The following SLC44A1 variants were observed in gnomAD, a reference collection of about 807,000 sequenced individuals.
The protein encoded by SLC44A1 is solute carrier family 44 member 1.
In SLC44A1, 26 loss-of-function variants were observed where a neutral mutation model predicts 79.3. The ratio of observed to expected loss-of-function variants is 0.33; its 90% confidence interval spans 0.24 to 0.46. The LOEUF (loss-of-function observed/expected upper bound fraction) is 0.46. Among genes scored for constraint, SLC44A1 ranks in the 20% least tolerant of loss-of-function variants. The pLI is 1.00. For synonymous variants in SLC44A1, 263 were observed against 286.2 expected, an observed-to-expected ratio of 0.92 and a Z score of 0.82; for missense variants, 688 against 798.1, an observed-to-expected ratio of 0.86 and a Z score of 1.66.
intron 15 of SLC44A1, among the ~76,000 whole-genome samples, chr9:105,425,586 G>C (rs1421092548): frequency 6.6e-6 from 1 of 152,166 alleles, no homozygotes; most frequent in African/African-American, 2.4e-5. Flanking sequence ...ACTTTGGGAG[G>C]TCGAGGCGGG....
At chr9:105,340,191 G>A (rs1009703574) in intron 4 of SLC44A1, among the ~76,000 whole-genome samples, 1 of 152,174 alleles carries the variant, frequency 6.6e-6, no homozygotes, top group African/African-American at 2.4e-5. Context: ...TATATGTTAT[G>A]CATTTTTTAC....
In SLC44A1 at chr9:105,380,280, C is replaced by T. The variant is rs570618220; in HGVS notation, c.1633-2843C>T. ...AGTTTCCTTTCCTTCCTGCTTCCCA[C>T]ATCCTACCTAAAGCATGAATCTCTT... On this transcript the variant is annotated intron_variant, in intron 13 of 15. Coordinates refer to ENST00000374720, the MANE Select transcript of SLC44A1 (RefSeq NM_080546.5). Among the ~76,000 whole-genome samples the T allele has an allele frequency of 3.3e-5, 5 of 152,330 alleles. No individual in the cohort carries two copies. The South Asian group carries it at 1.0e-3, about 32-fold the overall frequency.
chr9:105,388,948 C>A, intron 15 of SLC44A1, 85 bp from the exon 16 acceptor site: 1 of 1,006,688 alleles, frequency 9.9e-7, no homozygotes, highest in Non-Finnish European at 1.6e-6. Flanking sequence ...CTGTTTGTGA[C>A]CATGTGTATA....
chr9:105,427,116 A>T (rs917926391), intron 15 of SLC44A1, among the ~76,000 whole-genome samples: 2 of 152,118 alleles, frequency 1.3e-5, no homozygotes, highest in Non-Finnish European at 2.9e-5. Flanking sequence ...ATTTTTTAGT[A>T]GAGGCAGTGT....
chr9:105,409,111 A>T (rs940876838), intron 15 of SLC44A1, among the ~76,000 whole-genome samples: 1 of 152,248 alleles, frequency 6.6e-6, no homozygotes, highest in Non-Finnish European at 1.5e-5. Flanking sequence ...TAAAATGTAA[A>T]TGGATTAAAC....
intron 15 of SLC44A1, among the ~76,000 whole-genome samples, chr9:105,420,781 A>G (rs896778725): frequency 6.7e-6 from 1 of 150,336 alleles, no homozygotes; most frequent in Non-Finnish European, 1.5e-5. Context: ...GAATCACTTG[A>G]ACCCGGGAGG....
At chr9:105,269,803 G>A (rs1264535094) in intron 1 of SLC44A1, among the ~76,000 whole-genome samples, 1 of 152,218 alleles carries the variant, frequency 6.6e-6, no homozygotes, top group Admixed American at 6.5e-5. Context: ...CTTGGTGTTT[G>A]TTCAGGCGTG....
At chr9:105,363,590 G>A (rs1240423492) in intron 9 of SLC44A1, among the ~76,000 whole-genome samples, 2 of 151,514 alleles carry the variant, frequency 1.3e-5, no homozygotes, top group Non-Finnish European at 2.9e-5. Flanking sequence ...TCAGCCTCCC[G>A]AGCAGCTGGC....
At chr9:105,282,799 G>A (rs1022757486) in intron 1 of SLC44A1, among the ~76,000 whole-genome samples, 8 of 152,246 alleles carry the variant, frequency 5.3e-5, no homozygotes, top group African/African-American at 1.7e-4. Context: ...ACCCCCCTTG[G>A]CCTCCCAAAG....
intron 15 of SLC44A1, among the ~76,000 whole-genome samples, chr9:105,422,701 TG>T (rs1829270510): frequency 6.6e-6 from 1 of 152,170 alleles, no homozygotes; most frequent in Admixed American, 6.5e-5. Context: ...CATTGTAAAA[TG>T]GTACCCACTA....
At chr9:105,271,642 C>G (rs1007157333) in intron 1 of SLC44A1, among the ~76,000 whole-genome samples, 5 of 152,032 alleles carry the variant, frequency 3.3e-5, no homozygotes, top group African/African-American at 1.2e-4. Flanking sequence ...CAGACAGAGT[C>G]TCACTCTGTC....
intron 8 of SLC44A1, 135 bp downstream of exon 8, chr9:105,361,465 G>A (rs961638101): frequency 3.7e-6 from 3 of 820,580 alleles, no homozygotes; most frequent in Admixed American, 2.8e-5. Context: ...GTGCCATAGT[G>A]TATGAAACAC....
intron 5 of SLC44A1, among the ~76,000 whole-genome samples, chr9:105,354,636 T>C (rs893736606): frequency 6.6e-6 from 1 of 152,224 alleles, no homozygotes; most frequent in African/African-American, 2.4e-5. Context: ...TCATGTCATA[T>C]TGTTATGTCA....
intron 1 of SLC44A1, among the ~76,000 whole-genome samples, chr9:105,261,210 T>G (rs1333142369): frequency 6.6e-6 from 1 of 152,198 alleles, no homozygotes; most frequent in East Asian, 1.9e-4. Flanking sequence ...AGGCACATCA[T>G]AAGCTAGAAC....
chr9:105,357,726 C>G (rs951535535), intron 6 of SLC44A1, among the ~76,000 whole-genome samples: 1 of 152,150 alleles, frequency 6.6e-6, no homozygotes, highest in Admixed American at 6.5e-5. Context: ...GTCTCCTCAC[C>G]TGGGACCCCT....
intron 15 of SLC44A1, among the ~76,000 whole-genome samples, chr9:105,420,923 TTGA>T (rs897337544): frequency 1.3e-5 from 2 of 151,258 alleles, no homozygotes; most frequent in Non-Finnish European, 1.5e-5. Flanking sequence ...TTGTGTTGCT[TTGA>T]TGTCCTACTG....
chr9:105,338,673 C>CA (rs1438004180), intron 4 of SLC44A1, among the ~76,000 whole-genome samples: 1 of 152,188 alleles, frequency 6.6e-6, no homozygotes, highest in African/African-American at 2.4e-5. Flanking sequence ...CTCGGCCTCT[C>CA]AAAGTGCTGG....
At chr9:105,384,772 T>C (rs1205754678) in intron 14 of SLC44A1, among the ~76,000 whole-genome samples, 1 of 152,192 alleles carries the variant, frequency 6.6e-6, no homozygotes, top group Non-Finnish European at 1.5e-5. Flanking sequence ...GGTGAGGATA[T>C]TTAATGAAGA....
rs1258749852 is a variant in SLC44A1 at position 105,395,747 on chromosome 9, G to A, written c.*6691G>A. 1 of 984,916 alleles carries A rather than the reference G, an allele frequency of 1.0e-6. No individual in the cohort carries two copies. The highest frequency in any genetic ancestry group is 1.2e-6 in the Non-Finnish European group (1 of 829,510). 61.0% of individuals were successfully genotyped at this position (984,916 alleles called of 1,614,324 possible). A position where few individuals can be genotyped will look rare whatever the true frequency, so the allele number is the denominator to read the frequency against. ...ATTTGAACTGTCGTTTCAGGAGCAT[G>A]TGTTAAATCATATGAGTAAAAAAAA... is the stretch of plus-strand genomic sequence containing the variant. On this transcript the variant is annotated 3_prime_UTR_variant, in exon 16 of 16. Transcript: ENST00000374720.
Sources: allele counts gnomAD v4.1 joint callset (sites outside exome capture counted in the v4.1 genomes callset), GRCh38; gene constraint gnomAD v4.1.1; transcripts MANE v1.5; gene names NCBI Gene and HGNC (gene_info 2026-07-23, HGNC 2026-07-21).